RAET1E: variants seen among roughly 807,000 people sequenced by gnomAD.
RAET1E encodes the protein NKG2D ligand 4.
A neutral mutation model predicts 21.1 loss-of-function variants in RAET1E; 27 were observed. The observed-to-expected ratio is 1.28, with a 90% CI of 0.94 to 1.76. The LOEUF (loss-of-function observed/expected upper bound fraction) is 1.76, where lower values mean the gene tolerates loss of function less well. Among genes scored for constraint, RAET1E ranks in the 40% most tolerant of loss-of-function variants. The pLI is 0.00. For synonymous variants in RAET1E, 113 were observed against 115.0 expected (o/e 0.98, Z 0.11); for missense variants, 310 against 311.3 (o/e 1.00, Z 0.03).
In RAET1E at chr6:149,884,553, A is replaced by G. The variant is rs901214899; in HGVS notation, c.*3945T>C. The G allele has an allele frequency of 6.6e-7, 1 of 1,512,206 alleles. No individual in the cohort carries two copies. Among genetic ancestry groups the G allele is most frequent in the African/African-American group, 1.4e-5 (1 of 72,500 alleles). The allele number at this position is 1,512,206 out of a possible 1,614,324, so 93.7% of individuals were successfully genotyped here. On this transcript the variant is annotated 3_prime_UTR_variant, in exon 6 of 6. Coordinates refer to ENST00000357183, the MANE Select transcript of RAET1E (RefSeq NM_001394057.1). Reference sequence around the variant, plus strand: ...GCAGAACCCTGGGTCAGATCAGCTCAGGATTGACCCCTCCGTGATCTCTCA... The same window carrying G: ...GCAGAACCCTGGGTCAGATCAGCTCGGGATTGACCCCTCCGTGATCTCTCA...
chr6:149,884,300 T>A lies in RAET1E; in HGVS notation c.*4198A>T. ...GCCCTATCTTTTAAAAAATATGTAC[T>A]GAAAAAAAATTTTTTTTTTTTGAGA... On this transcript the variant is annotated 3_prime_UTR_variant, in exon 6 of 6. Transcript: ENST00000357183. 1 of 583,744 alleles carries A rather than the reference T, an allele frequency of 1.7e-6. No homozygotes were observed. Among genetic ancestry groups the A allele is most frequent in the Non-Finnish European group, 3.0e-6 (1 of 328,800 alleles). 36.2% of individuals were successfully genotyped at this position (583,744 alleles called of 1,614,324 possible). A position where few individuals can be genotyped will look rare whatever the true frequency, so the allele number is the denominator to read the frequency against.
intron 3 of RAET1E, among the ~76,000 whole-genome samples, chr6:149,890,412 C>T (rs566227824): frequency 6.6e-6 from 1 of 152,298 alleles, no homozygotes; most frequent in East Asian, 1.9e-4. Context: ...CTTTTAGCAA[C>T]ATCTACCAAG....
At chr6:149,888,997 G>T in intron 5 of RAET1E, 3 of 1,038,462 alleles carry the variant, frequency 2.9e-6, no homozygotes, top group East Asian at 3.3e-5. Context: ...GGTGGGGAAG[G>T]CTTCCTAAGA....
At chr6:149,891,266 C>A (rs1190682961) in intron 2 of RAET1E, among the ~76,000 whole-genome samples, 1 of 151,988 alleles carries the variant, frequency 6.6e-6, no homozygotes, top group African/African-American at 2.4e-5. Context: ...TTCCTCTTCC[C>A]TTCTCCTCCC....
chr6:149,884,058 C>G lies in RAET1E; in HGVS notation c.*4440G>C. On this transcript the variant is annotated 3_prime_UTR_variant, in exon 6 of 6. Coordinates refer to ENST00000357183, the MANE Select transcript of RAET1E (RefSeq NM_001394057.1). ...TCCTCTTATTTTCCATTTTTCCTCT[C>G]TGTTCTTTGCTTATCTCTCTTTTCT... 6.0e-6 allele frequency: 1 copy of G among 166,404 alleles called. No individual in the cohort carries two copies. The highest frequency in any genetic ancestry group is 1.3e-5 in the Non-Finnish European group (1 of 76,290). 10.3% of individuals were successfully genotyped at this position (166,404 alleles called of 1,614,324 possible). A position where few individuals can be genotyped will look rare whatever the true frequency, so the allele number is the denominator to read the frequency against.
chr6:149,889,548 G>A lies in RAET1E; in HGVS notation c.422C>T (p.Ala141Val). ...ERCTGASWQFATNGEKSLLFD... is the reference protein window; with the variant it reads ...ERCTGASWQFVTNGEKSLLFD... The stretch of plus-strand genomic sequence containing the variant: ...GAGGAGGGATTTCTCTCCATTGGTG[G>A]CGAACTGCCAGGATGCACCAGTGCA... Residue 141 changes from alanine to valine, a missense_variant, in exon 5 of 6, where the codon GCC (alanine) becomes GTC (valine). Transcript: ENST00000357183. The A allele has an allele frequency of 6.2e-7, 1 of 1,614,120 alleles. No individual in the cohort carries two copies. Among genetic ancestry groups the A allele is most frequent in the Non-Finnish European group, 8.5e-7 (1 of 1,180,038 alleles).
In RAET1E at chr6:149,888,268, T is replaced by C. The variant is rs1777698555; in HGVS notation, c.*230A>G. ...AGAGCTGGATGAAACCTGGGCCGGA[T>C]GGCAAGGAGACAACACCCCAGGCAG... On this transcript the variant is annotated 3_prime_UTR_variant, in exon 6 of 6. Coordinates refer to ENST00000357183, the MANE Select transcript of RAET1E (RefSeq NM_001394057.1). 2.8e-6 allele frequency: 2 copies of C among 709,546 alleles called. No homozygotes were observed. Among genetic ancestry groups the C allele is most frequent in the African/African-American group, 1.7e-5 (1 of 57,666 alleles). The allele number at this position is 709,546 out of a possible 1,614,324, so 44.0% of individuals were successfully genotyped here. A position where few individuals can be genotyped will look rare whatever the true frequency, so the allele number is the denominator to read the frequency against.
At chr6:149,896,688 G>T (rs984196543) in intron 1 of RAET1E, among the ~76,000 whole-genome samples, 1 of 152,044 alleles carries the variant, frequency 6.6e-6, no homozygotes, top group Non-Finnish European at 1.5e-5. Context: ...GTGTGTGTGT[G>T]CGTGCATATG....
chr6:149,889,980 G>C lies in RAET1E; in HGVS notation c.251C>G (p.Thr84Ser). ...LGLLGKKVYA[T>S]STWGELTQTL... ...TTGGGTCAATTCTCCCCAAGTGCTG[G>C]TGGCATATACCTTCTTCCCCAGGAG... The change falls in exon 4 of 6, where the codon ACC (threonine) becomes AGC (serine). Residue 84 changes from threonine to serine, a missense_variant. Thr to Ser is a moderately conservative substitution (Grantham distance 58, BLOSUM62 1). Coordinates refer to ENST00000357183, the MANE Select transcript of RAET1E (RefSeq NM_001394057.1). 6.2e-7 allele frequency: 1 copy of C among 1,614,100 alleles called. No individual in the cohort carries two copies.
chr6:149,890,096 A>C lies in RAET1E; in HGVS notation c.135T>G (p.Pro45=). 6.2e-7 allele frequency: 1 copy of C among 1,614,136 alleles called. No individual in the cohort carries two copies. The highest frequency in any genetic ancestry group is 2.2e-5 in the East Asian group (1 of 44,880). ...CCTGCGCTTCACACCAGGGCTGTCC[A>C]GGTCTGGACAATGATTTTATAGTGA... is the stretch of plus-strand genomic sequence containing the variant. ...FNFTIKSLSR[P]GQPWCEAQVF... The change falls in exon 4 of 6, where the codon CCT becomes CCG. Residue 45 remains proline (P), a synonymous_variant. Transcript: ENST00000357183.
chr6:149,892,154 G>A (rs1404668557), intron 2 of RAET1E, among the ~76,000 whole-genome samples: 1 of 152,138 alleles, frequency 6.6e-6, no homozygotes, highest in Non-Finnish European at 1.5e-5. Flanking sequence ...TGTGAATAGT[G>A]CCACAATAAA....
intron 2 of RAET1E, among the ~76,000 whole-genome samples, chr6:149,894,558 T>G (rs966468894): frequency 6.6e-6 from 1 of 152,180 alleles, no homozygotes; most frequent in African/African-American, 2.4e-5. Flanking sequence ...TTCTTCCGCT[T>G]GATTGATTTG....
In RAET1E at chr6:149,888,288, A is replaced by T; in HGVS notation, c.*210T>A. The T allele has an allele frequency of 1.4e-6, 1 of 725,076 alleles. No homozygotes were observed. Among genetic ancestry groups the T allele is most frequent in the Non-Finnish European group, 2.4e-6 (1 of 409,298 alleles). The allele number at this position is 725,076 out of a possible 1,614,324, so 44.9% of individuals were successfully genotyped here. A position where few individuals can be genotyped will look rare whatever the true frequency, so the allele number is the denominator to read the frequency against. The stretch of plus-strand genomic sequence containing the variant: ...CCGGATGGCAAGGAGACAACACCCC[A>T]GGCAGGCGTTCCAGATCTTTGACCT... On this transcript the variant is annotated 3_prime_UTR_variant, in exon 6 of 6. Coordinates refer to ENST00000357183, the MANE Select transcript of RAET1E (RefSeq NM_001394057.1).
chr6:149,894,239 T>A (rs1778026299), intron 2 of RAET1E, among the ~76,000 whole-genome samples: 1 of 152,216 alleles, frequency 6.6e-6, no homozygotes, highest in African/African-American at 2.4e-5. Context: ...CTTTTTCTAT[T>A]GTTTGGAATA....
chr6:149,897,690 C>A (rs548857435), intron 1 of RAET1E, among the ~76,000 whole-genome samples: 1 of 152,036 alleles, frequency 6.6e-6, no homozygotes, highest in African/African-American at 2.4e-5. Flanking sequence ...CAAGAGAAGT[C>A]GGAAAGAAGG....
rs1163281040 is a variant in RAET1E, at chr6:149,885,452, T to C, written c.*3046A>G. On this transcript the variant is annotated 3_prime_UTR_variant, in exon 6 of 6. Coordinates refer to ENST00000357183, the MANE Select transcript of RAET1E (RefSeq NM_001394057.1). ...GATAAATGAAATTCACCTCATCTTATGTCTATGGTGAGATTTGGCAGGGGT... is the reference window on the plus strand; with the variant it reads ...GATAAATGAAATTCACCTCATCTTACGTCTATGGTGAGATTTGGCAGGGGT... 2 of 152,218 alleles carry C rather than the reference T, an allele frequency of 1.3e-5. No homozygotes were observed. The highest frequency in any genetic ancestry group is 1.3e-4 in the Admixed American group (2 of 15,284). 9.4% of individuals were successfully genotyped at this position (152,218 alleles called of 1,614,324 possible). A position where few individuals can be genotyped will look rare whatever the true frequency, so the allele number is the denominator to read the frequency against.
chr6:149,888,907 A>G (rs958407942), intron 5 of RAET1E, among the ~76,000 whole-genome samples: 1 of 152,152 alleles, frequency 6.6e-6, no homozygotes, highest in African/African-American at 2.4e-5. Context: ...CCATCTGATT[A>G]CCACACAGTT....
intron 2 of RAET1E, among the ~76,000 whole-genome samples, chr6:149,894,733 T>C (rs9397434): frequency 0.41 from 62,655 of 151,936 alleles, 13,791 homozygotes; most frequent in East Asian, 0.88. Flanking sequence ...TCCTTTAGCT[T>C]GGAGTTGTTT....
intron 5 of RAET1E, chr6:149,889,061 G>C: frequency 7.3e-7 from 1 of 1,376,570 alleles, no homozygotes; most frequent in African/African-American, 1.5e-5. Context: ...AGAAGGCCTG[G>C]ATGTTTGCAA....
Sources: allele counts gnomAD v4.1 joint callset (sites outside exome capture counted in the v4.1 genomes callset), GRCh38; gene constraint gnomAD v4.1.1; transcripts MANE v1.5; gene names NCBI Gene and HGNC (gene_info 2026-07-23, HGNC 2026-07-21).